KCND2: variants seen among roughly 807,000 people sequenced by gnomAD.
The protein encoded by KCND2 is A-type voltage-gated potassium channel KCND2.
Under a neutral mutation model 54.4 loss-of-function variants are expected in KCND2, and 16 were observed. The observed-to-expected ratio is 0.29, with a 90% confidence interval of 0.20 to 0.45. KCND2 has a LOEUF of 0.45. Among genes scored for constraint, KCND2 ranks in the 20% least tolerant of loss-of-function variants. The pLI is 1.00. For synonymous variants in KCND2, 317 were observed against 310.7 expected (o/e 1.02, Z -0.21); for missense variants, 486 against 824.2 (o/e 0.59, Z 5.02).
intron 1 of KCND2, among the ~76,000 whole-genome samples, chr7:120,731,419 A>G (rs1222282069): frequency 7.2e-5 from 11 of 152,328 alleles, no homozygotes; most frequent in Non-Finnish European, 1.5e-4. Flanking sequence ...GGCACCCTGA[A>G]TAATCACCAT....
chr7:120,321,414 A>G lies in KCND2; in HGVS notation c.1115+45667A>G, dbSNP rs1481223105. Among the ~76,000 whole-genome samples, 7 of 152,098 alleles carry G rather than the reference A, an allele frequency of 4.6e-5. No homozygotes were observed. The East Asian group carries it at 1.2e-3, about 25-fold the overall frequency. On this transcript the variant is annotated intron_variant, in intron 1 of 5. Transcript: ENST00000331113. ...CTCCCAAAGCTTCAGTGTTATAGGC[A>G]TGAGCCACTGCTCCTGGCCCAGGAT...
At chr7:120,386,287 C>G (rs912764499) in intron 1 of KCND2, among the ~76,000 whole-genome samples, 2 of 152,126 alleles carry the variant, frequency 1.3e-5, no homozygotes, top group Non-Finnish European at 2.9e-5. Context: ...ATGAGGTTCA[C>G]TCTTAAGTGG....
rs544899917 is a variant in KCND2, at chr7:120,652,168, C to T, written c.1116-80735C>T. On this transcript the variant is annotated intron_variant, in intron 1 of 5. Coordinates refer to ENST00000331113, the MANE Select transcript of KCND2 (RefSeq NM_012281.3). ...TTGGCTTACTCCAAACTCCGCCTCC[C>T]GGGTTCAAGTGATTCCCCTGCCTCA... Among the ~76,000 whole-genome samples, 15 of 152,080 alleles carry T rather than the reference C, an allele frequency of 9.9e-5. No individual in the cohort carries two copies. The South Asian group carries it at 1.2e-3, about 13-fold the overall frequency.
At chr7:120,405,348 G>A (rs1179749825) in intron 1 of KCND2, among the ~76,000 whole-genome samples, 1 of 152,092 alleles carries the variant, frequency 6.6e-6, no homozygotes, top group Non-Finnish European at 1.5e-5. Flanking sequence ...AGTTTCTAAT[G>A]TCTTCTCCTG....
chr7:120,450,357 C>T (rs200101541), intron 1 of KCND2, among the ~76,000 whole-genome samples: 51 of 151,998 alleles, frequency 3.4e-4, no homozygotes, highest in Non-Finnish European at 7.1e-4. Context: ...TGCAGTGAGC[C>T]GAGATCGCGT....
chr7:120,397,989 GTGTGTGTATATATATATATATA>G (rs1272188050), intron 1 of KCND2, among the ~76,000 whole-genome samples: 1,471 of 40,344 alleles, frequency 0.036, 22 homozygotes, highest in Middle Eastern at 0.1. Flanking sequence ...GTGTGTGTGT[GTGTGTGTATATATATATATATA>G]TATATATATA....
At chr7:120,489,985 G>A (rs144707765) in intron 1 of KCND2, among the ~76,000 whole-genome samples, 229 of 152,178 alleles carry the variant, frequency 1.5e-3, no homozygotes, top group Non-Finnish European at 2.7e-3. Flanking sequence ...GCAAGTCATC[G>A]TTGTCACTCC....
At chr7:120,512,992 C>T (rs147360892) in intron 1 of KCND2, among the ~76,000 whole-genome samples, 39 of 151,864 alleles carry the variant, frequency 2.6e-4, no homozygotes, top group African/African-American at 5.1e-4. Context: ...GACAGGTTTT[C>T]GCTATGTTGG....
chr7:120,517,835 C>A (rs2116341911), intron 1 of KCND2, among the ~76,000 whole-genome samples: 1 of 152,244 alleles, frequency 6.6e-6, no homozygotes, highest in South Asian at 2.1e-4. Context: ...CAATCTCCTA[C>A]TATTCTCCTT....
Position 120,578,043 on chromosome 7 carries a change from GAGAAGA to G in KCND2, c.1116-154843_1116-154838del, listed in dbSNP as rs10540913. On this transcript the variant is annotated intron_variant, in intron 1 of 5. Transcript: ENST00000331113. Reference sequence around the variant, plus strand: ...TGGCAAAACGAAGAAGGAGAAGAAGGAGAAGAAGAAGAAGAAGAAGAACAAGAAGGA... The same window carrying G: ...TGGCAAAACGAAGAAGGAGAAGAAGGAGAAGAAGAAGAAGAACAAGAAGGA... Among the ~76,000 whole-genome samples, 147 of 149,858 alleles carry G rather than the reference GAGAAGA, an allele frequency of 9.8e-4. 1 individual carries two copies. Among genetic ancestry groups the G allele is most frequent in the Middle Eastern group, 6.8e-3 (2 of 294 alleles).
At chr7:120,636,516 A>G (rs1793306536) in intron 1 of KCND2, among the ~76,000 whole-genome samples, 1 of 152,146 alleles carries the variant, frequency 6.6e-6, no homozygotes, top group South Asian at 2.1e-4. Context: ...TTAGCACAGC[A>G]GGCACATGTC....
At chr7:120,485,536 G>T (rs1185364166) in intron 1 of KCND2, among the ~76,000 whole-genome samples, 5 of 152,120 alleles carry the variant, frequency 3.3e-5, no homozygotes. Flanking sequence ...AGACCAAAAG[G>T]TGACCTCAGG....
intron 1 of KCND2, among the ~76,000 whole-genome samples, chr7:120,721,310 G>A (rs549265247): frequency 6.6e-6 from 1 of 151,990 alleles, no homozygotes; most frequent in Non-Finnish European, 1.5e-5. Flanking sequence ...ATTTTTTCTG[G>A]ATATACCTTA....
intron 1 of KCND2, among the ~76,000 whole-genome samples, chr7:120,658,438 G>A (rs1387226481): frequency 6.6e-6 from 1 of 152,196 alleles, no homozygotes; most frequent in Non-Finnish European, 1.5e-5. Context: ...AGTGACATGG[G>A]ATTTAAGCAT....
At chr7:120,439,742 A>G (rs1257228077) in intron 1 of KCND2, among the ~76,000 whole-genome samples, 1 of 152,026 alleles carries the variant, frequency 6.6e-6, no homozygotes, top group South Asian at 2.1e-4. Flanking sequence ...CCACATATGA[A>G]TGAGAATATG....
At chr7:120,439,835 T>C (rs1017147241) in intron 1 of KCND2, among the ~76,000 whole-genome samples, 3 of 152,080 alleles carry the variant, frequency 2.0e-5, no homozygotes, top group African/African-American at 7.2e-5. Flanking sequence ...AATGACACAA[T>C]TCCATTATTT....
intron 1 of KCND2, among the ~76,000 whole-genome samples, chr7:120,596,659 A>G (rs1792749470): frequency 6.6e-6 from 1 of 152,214 alleles, no homozygotes; most frequent in South Asian, 2.1e-4. Flanking sequence ...GAATATTCAC[A>G]AATGTCTGGT....
chr7:120,344,366 T>A, intron 1 of KCND2, among the ~76,000 whole-genome samples: 1 of 152,134 alleles, frequency 6.6e-6, no homozygotes, highest in Admixed American at 6.5e-5. Context: ...TCTACTGAAA[T>A]GTGGGAAACA....
chr7:120,661,283 C>A (rs935848042), intron 1 of KCND2, among the ~76,000 whole-genome samples: 3 of 152,054 alleles, frequency 2.0e-5, no homozygotes, highest in Admixed American at 6.6e-5. Flanking sequence ...AATATTCTAA[C>A]GCATCATTAG....
Sources: allele counts gnomAD v4.1 joint callset (sites outside exome capture counted in the v4.1 genomes callset), GRCh38; gene constraint gnomAD v4.1.1; transcripts MANE v1.5; gene names NCBI Gene and HGNC (gene_info 2026-07-23, HGNC 2026-07-21).